The following STXBP3 variants were observed in gnomAD, a reference collection of about 807,000 sequenced individuals.
The protein encoded by STXBP3 is syntaxin binding protein 3, also known as syntaxin-binding protein 3.
Under a neutral mutation model 85.7 loss-of-function variants are expected in STXBP3, and 41 were observed. The observed-to-expected ratio is 0.48, with a 90% confidence interval of 0.37 to 0.62. The LOEUF is 0.62. STXBP3 is among the 20% of genes least tolerant of loss of function. The pLI is 0.00. For missense variants in STXBP3, 563 were observed against 703.1 expected (o/e 0.80, Z 2.25); for synonymous variants, 229 against 231.7 (o/e 0.99, Z 0.10).
At position 108,772,322 on chromosome 1, in the gene STXBP3, T is replaced by C. The variant is rs1217994930; in HGVS notation, c.439-343T>C. The stretch of plus-strand genomic sequence containing the variant: ...TATCTGTATCATATATAAATACATA[T>C]GATATCTGTATCATATATAAATACA... On this transcript the variant is annotated intron_variant, in intron 6 of 18. Transcript: ENST00000370008. 1.4e-4 allele frequency among the ~76,000 whole-genome samples: 9 copies of C among 66,000 alleles called. 2 individuals carry two copies. Among genetic ancestry groups the C allele is most frequent in the African/African-American group, 3.5e-4 (6 of 17,038 alleles). 43.3% of individuals were successfully genotyped at this position (66,000 alleles called of 152,430 possible).
At chr1:108,762,863 C>CA (rs1662170226) in intron 6 of STXBP3, among the ~76,000 whole-genome samples, 1 of 152,188 alleles carries the variant, frequency 6.6e-6, no homozygotes, top group Non-Finnish European at 1.5e-5. Flanking sequence ...TTAGAGCAAT[C>CA]ACACACATAA....
chr1:108,802,927 T>C (rs1234542650), intron 17 of STXBP3, among the ~76,000 whole-genome samples: 1 of 152,236 alleles, frequency 6.6e-6, no homozygotes, highest in Non-Finnish European at 1.5e-5. Flanking sequence ...GCATAAATTT[T>C]CACTGCTAGT....
At position 108,771,782 on chromosome 1, in the gene STXBP3, TATG is replaced by T. The variant is rs1347716107; in HGVS notation, c.439-880_439-878del. On this transcript the variant is annotated intron_variant, in intron 6 of 18. Transcript: ENST00000370008. ...TCTATCTATATATCATATATAAATA[TATG>T]ATATCTATCTATATATATCATATAT... Among the ~76,000 whole-genome samples the T allele has an allele frequency of 9.7e-5, 4 of 41,286 alleles. No homozygotes were observed. In the East Asian group the frequency reaches 1.2e-3, roughly 12 times the overall value. 27.1% of individuals were successfully genotyped at this position (41,286 alleles called of 152,430 possible).
intron 15 of STXBP3, 38 bp downstream of exon 15, chr1:108,796,764 T>G: frequency 6.6e-7 from 1 of 1,521,050 alleles, no homozygotes; most frequent in Non-Finnish European, 9.0e-7. Context: ...TTTATATGTA[T>G]GTGTATGTAT....
At chr1:108,776,284 G>T in intron 7 of STXBP3, 49 bp from the exon 8 acceptor site, 1 of 1,284,192 alleles carries the variant, frequency 7.8e-7, no homozygotes, top group Non-Finnish European at 1.1e-6. Flanking sequence ...ATATTATAAA[G>T]TATACACTGA....
chr1:108,758,435 CTTAG>C, intron 4 of STXBP3, 71 bp from the exon 5 acceptor site: 1 of 723,388 alleles, frequency 1.4e-6, no homozygotes, highest in South Asian at 2.6e-5. Flanking sequence ...ATAAAATAAT[CTTAG>C]TCATTTCAAA....
chr1:108,760,081 C>T lies in STXBP3; in HGVS notation c.434C>T (p.Ser145Phe). 6.5e-7 allele frequency: 1 copy of T among 1,535,326 alleles called. No individual in the cohort carries two copies. Among genetic ancestry groups the T allele is most frequent in the Non-Finnish European group, 8.7e-7 (1 of 1,143,324 alleles). The change falls in exon 6 of 19, where the codon TCT becomes TTT. Residue 145 changes from serine to phenylalanine, a missense_variant. Physicochemically the swap from Ser to Phe is radical, Grantham distance 155. Around this residue, in one of 3 missense-constraint regions of STXBP3, gnomAD observed 494 missense variants for 592.8 expected, o/e 0.83. Coordinates refer to ENST00000370008, the MANE Select transcript of STXBP3 (RefSeq NM_007269.4). The part of the protein sequence containing the change: ...EINISFIPHE[S>F]QVYTLDVPDA... The stretch of plus-strand genomic sequence containing the variant: ...AATATTTCCTTCATTCCACATGAAT[C>T]TCAGGTACTTTCTATTTTTATTTTT...
At chr1:108,796,138 C>G in intron 13 of STXBP3, 96 bp from the exon 14 acceptor site, 1 of 1,329,378 alleles carries the variant, frequency 7.5e-7, no homozygotes, top group Non-Finnish European at 1.0e-6. Flanking sequence ...GCTGGGATTA[C>G]AGGCGTGAGC....
chr1:108,782,248 G>A, intron 9 of STXBP3, 174 bp from the exon 10 acceptor site: 1 of 529,306 alleles, frequency 1.9e-6, no homozygotes, highest in Non-Finnish European at 3.3e-6. Context: ...TATTTTTAAT[G>A]TAAGGATAGC....
chr1:108,779,642 A>T, intron 9 of STXBP3: 1 of 325,052 alleles, frequency 3.1e-6, no homozygotes, highest in Non-Finnish European at 5.4e-6. Flanking sequence ...TGCTTCCTTA[A>T]CTGTGTGTAC....
chr1:108,753,678 G>C (rs1348854601), intron 3 of STXBP3, among the ~76,000 whole-genome samples: 1 of 152,032 alleles, frequency 6.6e-6, no homozygotes, highest in African/African-American at 2.4e-5. Context: ...GTCATAAGAA[G>C]TTATCTTCCT....
intron 16 of STXBP3, 104 bp downstream of exon 16, chr1:108,798,341 T>G: frequency 1.3e-6 from 1 of 761,930 alleles, no homozygotes; most frequent in South Asian, 2.6e-5. Flanking sequence ...GGGCAGGAAG[T>G]TTCTGCAGTG....
At chr1:108,756,227 G>A (rs1034612408) in intron 3 of STXBP3, among the ~76,000 whole-genome samples, 10 of 152,112 alleles carry the variant, frequency 6.6e-5, no homozygotes, top group African/African-American at 2.2e-4. Flanking sequence ...TGAAAGAATA[G>A]GCGTTAATTG....
intron 10 of STXBP3, 58 bp downstream of exon 10, chr1:108,782,575 A>G (rs564210824): frequency 4.9e-5 from 78 of 1,600,674 alleles, no homozygotes; most frequent in Admixed American, 1.7e-4. Flanking sequence ...GTGATAGTAC[A>G]TTTTGTAACC....
chr1:108,756,615 A>G, intron 3 of STXBP3, 75 bp from the exon 4 acceptor site: 1 of 762,680 alleles, frequency 1.3e-6, no homozygotes, highest in Non-Finnish European at 1.9e-6. Context: ...AATGGAAAGT[A>G]CAGTAAAGTT....
At position 108,796,328 on chromosome 1, in the gene STXBP3, G is replaced by T; in HGVS notation, c.1205G>T (p.Cys402Phe). The T allele has an allele frequency of 6.3e-7, 1 of 1,597,970 alleles. No individual in the cohort carries two copies. The highest frequency in any genetic ancestry group is 8.6e-7 in the Non-Finnish European group (1 of 1,165,582). ...PVLLNKNHDN[C>F]DKIRAILLYI... The stretch of plus-strand genomic sequence containing the variant: ...CTACTCAACAAAAATCATGATAATT[G>T]TGATAAAATAAGAGCAATTCTACTT... The change falls in exon 14 of 19, where the codon TGT becomes TTT. Residue 402 changes from cysteine to phenylalanine, a missense_variant. Physicochemically the swap from Cys to Phe is radical, Grantham distance 205. Coordinates refer to ENST00000370008, the MANE Select transcript of STXBP3 (RefSeq NM_007269.4).
At chr1:108,785,563 T>TC (rs34117326) in intron 11 of STXBP3, among the ~76,000 whole-genome samples, 57,630 of 151,954 alleles carry the variant, frequency 0.38, 11,350 homozygotes, top group Middle Eastern at 0.48. Flanking sequence ...GGAGACATTT[T>TC]CCCCGTTGTT....
intron 8 of STXBP3, 43 bp downstream of exon 8, chr1:108,776,466 CTT>C: frequency 2.1e-6 from 3 of 1,449,182 alleles, no homozygotes; most frequent in Non-Finnish European, 2.8e-6. Context: ...TAAAGTCTGT[CTT>C]ATTTCTTTAT....
intron 1 of STXBP3, among the ~76,000 whole-genome samples, 193 bp downstream of exon 1, chr1:108,746,979 TGCGACGG>T (rs996523988): frequency 6.6e-5 from 10 of 152,052 alleles, no homozygotes; most frequent in African/African-American, 2.2e-4. Context: ...ATGGGCGGGG[TGCGACGG>T]GACGCGGCCT....
Sources: gnomAD v4.1 joint callset for allele counts (sites outside exome capture counted in the v4.1 genomes callset) on GRCh38, gnomAD v4.1.1 for gene constraint, gnomAD v4.1.1 regional missense constraint, MANE v1.5 for transcripts, NCBI Gene and HGNC (gene_info 2026-07-23, HGNC 2026-07-21) for gene names.